The following MAML3 variants were observed in gnomAD, a reference collection of about 807,000 sequenced individuals.
MAML3 encodes mastermind like transcriptional coactivator 3.
MAML3 carries 27 observed loss-of-function variants against 101.9 expected under a neutral mutation model. That is an observed-to-expected ratio of 0.27 (90% CI 0.20 to 0.37). MAML3 has a LOEUF of 0.37. Ranked by LOEUF, MAML3 falls within the 10% of genes least tolerant of loss-of-function variation. MAML3 has a pLI of 1.00. For synonymous variants in MAML3, 501 were observed against 555.9 expected (o/e 0.90, Z 1.39); for missense variants, 1,316 against 1,444.9 (o/e 0.91, Z 1.45).
intron 1 of MAML3, among the ~76,000 whole-genome samples, chr4:140,148,951 A>C (rs889457018): frequency 6.6e-6 from 1 of 152,222 alleles, no homozygotes; most frequent in Admixed American, 6.5e-5. Context: ...GGTCATGAAA[A>C]TAATATGGTC....
chr4:139,973,841 C>T (rs140261993), intron 1 of MAML3, among the ~76,000 whole-genome samples: 4 of 152,266 alleles, frequency 2.6e-5, no homozygotes, highest in African/African-American at 7.2e-5. Flanking sequence ...ACAAAAATAG[C>T]TGTGTCATGC....
chr4:139,941,133 T>C (rs1307296587), intron 1 of MAML3, among the ~76,000 whole-genome samples: 1 of 152,228 alleles, frequency 6.6e-6, no homozygotes, highest in Non-Finnish European at 1.5e-5. Flanking sequence ...AACATGCTGC[T>C]TTTTAAAACT....
intron 2 of MAML3, among the ~76,000 whole-genome samples, chr4:139,850,395 T>C (rs1249397693): frequency 1.3e-5 from 2 of 152,170 alleles, no homozygotes; most frequent in Non-Finnish European, 2.9e-5. Context: ...GGTGACCTCT[T>C]TGGTTAGTGC....
chr4:140,152,213 CCGCGCGCAGCCACCCT>C (rs1729185015), intron 1 of MAML3, among the ~76,000 whole-genome samples: 5 of 152,316 alleles, frequency 3.3e-5, no homozygotes, highest in Admixed American at 2.0e-4. Flanking sequence ...GCGAGCACCC[CCGCGCGCAGCCACCCT>C]CGCTCGTTTC....
At chr4:139,974,562 T>G (rs1734296172) in intron 1 of MAML3, among the ~76,000 whole-genome samples, 1 of 152,158 alleles carries the variant, frequency 6.6e-6, no homozygotes, top group African/African-American at 2.4e-5. Flanking sequence ...TTGAGCGAAT[T>G]TGGCAATATC....
intron 1 of MAML3, among the ~76,000 whole-genome samples, chr4:139,909,318 T>C (rs1732876141): frequency 6.6e-6 from 1 of 152,222 alleles, no homozygotes. Context: ...TGGTGACTTC[T>C]CTAACTGCAT....
chr4:140,084,635 C>G (rs1360713387), intron 1 of MAML3, among the ~76,000 whole-genome samples: 1 of 152,102 alleles, frequency 6.6e-6, no homozygotes, highest in Non-Finnish European at 1.5e-5. Context: ...CACCTCGTTA[C>G]TATGAAGCAC....
intron 2 of MAML3, among the ~76,000 whole-genome samples, chr4:139,731,610 C>T (rs1223793322): frequency 6.6e-6 from 1 of 151,656 alleles, no homozygotes; most frequent in East Asian, 1.9e-4. Context: ...GAGTGAGACT[C>T]TTTCTCAAAA....
intron 2 of MAML3, among the ~76,000 whole-genome samples, chr4:139,777,135 C>T (rs966385445): frequency 6.6e-6 from 1 of 152,054 alleles, no homozygotes; most frequent in Non-Finnish European, 1.5e-5. Context: ...TGGTACAGGG[C>T]CCTGGAAAAG....
At chr4:139,897,086 G>A (rs1051169608) in intron 1 of MAML3, among the ~76,000 whole-genome samples, 3 of 152,206 alleles carry the variant, frequency 2.0e-5, no homozygotes, top group African/African-American at 7.2e-5. Context: ...TCCTGTCCCT[G>A]ATTTTGCACG....
intron 2 of MAML3, among the ~76,000 whole-genome samples, chr4:139,816,439 A>G (rs2111117703): frequency 6.6e-6 from 1 of 152,346 alleles, no homozygotes; most frequent in Admixed American, 6.5e-5. Context: ...TCGTGAGCTT[A>G]GAGGCCAACT....
At chr4:139,835,809 G>A (rs552461263) in intron 2 of MAML3, among the ~76,000 whole-genome samples, 1 of 152,306 alleles carries the variant, frequency 6.6e-6, no homozygotes, top group African/African-American at 2.4e-5. Flanking sequence ...TGACAGAAGA[G>A]TCAAATGTTA....
In MAML3 at chr4:139,906,338, T is replaced by C. The variant is rs1335890783; in HGVS notation, c.469-15371A>G. On this transcript the variant is annotated intron_variant, in intron 1 of 4. Transcript: ENST00000509479. ...CTCCTTAACTATTAGCAAAGAAGTA[T>C]AGTCAGAGATGACTCTAAGCAAAAC... Among the ~76,000 whole-genome samples the C allele has an allele frequency of 1.2e-4, 19 of 152,354 alleles. No homozygotes were observed. The East Asian group carries it at 3.7e-3, about 29-fold the overall frequency.
chr4:139,846,612 T>C (rs1731455048), intron 2 of MAML3, among the ~76,000 whole-genome samples: 1 of 152,184 alleles, frequency 6.6e-6, no homozygotes, highest in Non-Finnish European at 1.5e-5. Context: ...CCTCCCAAAG[T>C]GCAGGGATTA....
intron 1 of MAML3, among the ~76,000 whole-genome samples, chr4:140,104,403 T>C (rs1458874935): frequency 3.6e-5 from 3 of 84,198 alleles, no homozygotes; most frequent in Non-Finnish European, 7.7e-5. Flanking sequence ...TATTATATAA[T>C]ATATAATATA....
At chr4:139,814,454 G>A (rs1449203339) in intron 2 of MAML3, among the ~76,000 whole-genome samples, 1 of 152,156 alleles carries the variant, frequency 6.6e-6, no homozygotes, top group Non-Finnish European at 1.5e-5. Flanking sequence ...AAGGTGACTC[G>A]AGTGTGTTTA....
chr4:140,017,666 C>T (rs4863724), intron 1 of MAML3, among the ~76,000 whole-genome samples: 1 of 150,692 alleles, frequency 6.6e-6, no homozygotes, highest in African/African-American at 2.4e-5. Context: ...GCTGAGCAGG[C>T]GAAAAAAAGA....
chr4:139,872,498 A>G (rs1241861120), intron 2 of MAML3, among the ~76,000 whole-genome samples: 1 of 152,174 alleles, frequency 6.6e-6, no homozygotes, highest in Admixed American at 6.5e-5. Flanking sequence ...CCCCTGAAAT[A>G]CTCAGTAACA....
intron 1 of MAML3, among the ~76,000 whole-genome samples, chr4:139,912,988 TG>T (rs1732960752): frequency 6.6e-6 from 1 of 152,266 alleles, no homozygotes; most frequent in Non-Finnish European, 1.5e-5. Context: ...GGTCATCCTA[TG>T]CCAAGGCCAA....
Sources: gnomAD v4.1 joint callset for allele counts (sites outside exome capture counted in the v4.1 genomes callset) on GRCh38, gnomAD v4.1.1 for gene constraint, MANE v1.5 for transcripts, NCBI Gene and HGNC (gene_info 2026-07-23, HGNC 2026-07-21) for gene names.